The following LDLRAD4 variants were observed in gnomAD, a reference collection of about 807,000 sequenced individuals.
LDLRAD4 encodes the protein low-density lipoprotein receptor class A domain-containing protein 4.
In LDLRAD4, 5 loss-of-function variants were observed where a neutral mutation model predicts 17.0. The ratio of observed to expected loss-of-function variants is 0.29; its 90% confidence interval spans 0.15 to 0.62. The LOEUF is 0.62. LDLRAD4 is among the 20% of genes least tolerant of loss of function. LDLRAD4 has a pLI of 0.84. For synonymous variants in LDLRAD4, 168 were observed against 171.8 expected, an observed-to-expected ratio of 0.98 and a Z score of 0.17; for missense variants, 340 against 424.7, an observed-to-expected ratio of 0.80 and a Z score of 1.75.
At chr18:13,371,393 G>A (rs1056689484) in intron 1 of LDLRAD4, among the ~76,000 whole-genome samples, 3 of 152,196 alleles carry the variant, frequency 2.0e-5, no homozygotes, top group Admixed American at 6.5e-5. Flanking sequence ...TTGCCGCCGC[G>A]TTGCTGTGAA....
rs148682342 is a variant in LDLRAD4 at position 13,377,584 on chromosome 18, A to G, written c.-382-9757A>G. ...ACCGAAGTTTAAGTTCTAAGAGGATATCAGATGGGCCTGTATCTGTTTCTC... is the reference window on the plus strand; with the variant it reads ...ACCGAAGTTTAAGTTCTAAGAGGATGTCAGATGGGCCTGTATCTGTTTCTC... On this transcript the variant is annotated intron_variant, in intron 1 of 5. Coordinates refer to ENST00000359446, the Ensembl canonical transcript of LDLRAD4. 3.9e-5 allele frequency among the ~76,000 whole-genome samples: 6 copies of G among 152,334 alleles called. No individual in the cohort carries two copies. The East Asian group carries it at 1.2e-3, about 29-fold the overall frequency.
chr18:13,306,681 A>G (rs981802545), intron 1 of LDLRAD4, among the ~76,000 whole-genome samples: 2 of 152,218 alleles, frequency 1.3e-5, no homozygotes, highest in Admixed American at 6.5e-5. Context: ...TAACAGAAAA[A>G]ACTGTGAGAG....
intron 3 of LDLRAD4, among the ~76,000 whole-genome samples, chr18:13,505,125 A>G (rs542998108): frequency 1.3e-5 from 2 of 152,188 alleles, no homozygotes; most frequent in African/African-American, 2.4e-5. Context: ...ATAAGGAAAT[A>G]TAAAAATGTC....
intron 3 of LDLRAD4, among the ~76,000 whole-genome samples, chr18:13,538,672 A>AT (rs931190600): frequency 5.9e-5 from 9 of 152,104 alleles, no homozygotes; most frequent in African/African-American, 2.2e-4. Flanking sequence ...CTACAGGTGT[A>AT]TGCCAGTATT....
intron 1 of LDLRAD4, among the ~76,000 whole-genome samples, chr18:13,358,265 T>C (rs949169015): frequency 7.9e-5 from 12 of 152,094 alleles, no homozygotes; most frequent in African/African-American, 2.9e-4. Context: ...TGTGTGTGTG[T>C]ATTTATATCT....
intron 3 of LDLRAD4, among the ~76,000 whole-genome samples, chr18:13,512,528 C>G (rs994160617): frequency 2.8e-4 from 42 of 152,268 alleles, no homozygotes; most frequent in African/African-American, 1.0e-3. Context: ...AGTTTTGCTG[C>G]TCTTGATGTT....
At chr18:13,330,842 G>T (rs1461138250) in intron 1 of LDLRAD4, among the ~76,000 whole-genome samples, 1 of 152,148 alleles carries the variant, frequency 6.6e-6, no homozygotes, top group Non-Finnish European at 1.5e-5. Flanking sequence ...TGAAGGTTAA[G>T]TTGATCACCA....
intron 3 of LDLRAD4, chr18:13,520,355 GGGT>G (rs1406962976): frequency 6.6e-6 from 1 of 152,178 alleles, no homozygotes; most frequent in African/African-American, 2.4e-5. Context: ...CTAGACTCTA[GGGT>G]GATTCTTCCT....
In LDLRAD4 at chr18:13,644,971, T is replaced by C. The variant is rs2042937962; in HGVS notation, c.391-156T>C. 4 of 658,372 alleles carry C rather than the reference T, an allele frequency of 6.1e-6. No individual in the cohort carries two copies. The South Asian group carries it at 8.0e-5, about 13-fold the overall frequency. The allele number at this position is 658,372 out of a possible 1,614,324, so 40.8% of individuals were successfully genotyped here. Reference sequence around the variant, plus strand: ...AATCAGAAAAGTACACTTTTTTTTCTGGAATTGGATTTTCCTGTTTTCTTT... The same window carrying C: ...AATCAGAAAAGTACACTTTTTTTTCCGGAATTGGATTTTCCTGTTTTCTTT... On this transcript the variant is annotated intron_variant, in intron 5 of 5. Transcript: ENST00000359446.
intron 4 of LDLRAD4, among the ~76,000 whole-genome samples, chr18:13,634,773 CAAA>C (rs202132523): frequency 2.5e-5 from 3 of 122,116 alleles, no homozygotes; most frequent in African/African-American, 9.0e-5. Context: ...ACAATAATCT[CAAA>C]AAAAAAAAAA....
At chr18:13,268,496 C>T (rs891831421) in intron 1 of LDLRAD4, among the ~76,000 whole-genome samples, 5 of 152,224 alleles carry the variant, frequency 3.3e-5, no homozygotes, top group African/African-American at 7.2e-5. Flanking sequence ...AGCCTCACAC[C>T]GCAGGCTGCC....
At chr18:13,406,375 T>C (rs1446247037) in intron 2 of LDLRAD4, among the ~76,000 whole-genome samples, 1 of 152,196 alleles carries the variant, frequency 6.6e-6, no homozygotes, top group African/African-American at 2.4e-5. Flanking sequence ...GCAAGAAGCT[T>C]GGGACCTCTA....
chr18:13,514,310 C>T (rs140184789), intron 3 of LDLRAD4, among the ~76,000 whole-genome samples: 1 of 152,218 alleles, frequency 6.6e-6, no homozygotes, highest in Admixed American at 6.5e-5. Flanking sequence ...AAACCAATTT[C>T]ACATAATTAC....
At chr18:13,218,464 C>T (rs113755763), upstream of LDLRAD4, among the ~76,000 whole-genome samples, 4,893 of 152,050 alleles carry the variant, frequency 0.032, 136 homozygotes, top group East Asian at 0.094. Context: ...CCAGGATGGG[C>T]GCGCGGATGG....
intron 1 of LDLRAD4, among the ~76,000 whole-genome samples, chr18:13,385,103 C>T (rs1216638651): frequency 6.6e-6 from 1 of 152,252 alleles, no homozygotes; most frequent in Non-Finnish European, 1.5e-5. Context: ...TTCTCACCAA[C>T]AGTGTACACG....
chr18:13,309,057 C>T (rs539404496), intron 1 of LDLRAD4, among the ~76,000 whole-genome samples: 6 of 152,230 alleles, frequency 3.9e-5, no homozygotes, highest in Admixed American at 3.3e-4. Context: ...TTTCCATTGC[C>T]CATAGCTGGA....
intron 3 of LDLRAD4, among the ~76,000 whole-genome samples, chr18:13,513,099 A>G (rs2093808039): frequency 6.6e-6 from 1 of 152,188 alleles, no homozygotes; most frequent in East Asian, 1.9e-4. Flanking sequence ...TGCACATTAC[A>G]TAAGCTCCAT....
chr18:13,402,441 G>T (rs1223801288), intron 2 of LDLRAD4, among the ~76,000 whole-genome samples: 1 of 152,114 alleles, frequency 6.6e-6, no homozygotes, highest in East Asian at 1.9e-4. Context: ...TTATAATCTA[G>T]ATTACCAAAA....
intron 2 of LDLRAD4, 97 bp from the exon 4 acceptor site, chr18:13,438,147 G>T: frequency 9.3e-7 from 1 of 1,080,288 alleles, no homozygotes; most frequent in South Asian, 1.4e-5. Flanking sequence ...AAACAATCAT[G>T]GCATGCAAAT....
Sources: allele counts gnomAD v4.1 joint callset (sites outside exome capture counted in the v4.1 genomes callset), GRCh38; gene constraint gnomAD v4.1.1; transcripts MANE v1.5; gene names NCBI Gene and HGNC (gene_info 2026-07-23, HGNC 2026-07-21).